Variants in TSNARE1 observed in about 807,000 individuals in gnomAD.
TSNARE1 encodes the protein t-SNARE domain-containing protein 1.
TSNARE1 carries 49 observed loss-of-function variants against 62.0 expected under a neutral mutation model. That is an observed-to-expected ratio of 0.79 (90% CI 0.63 to 1.00). TSNARE1 has a LOEUF of 1.00. Among genes scored for constraint, TSNARE1 ranks in the 50% least tolerant of loss-of-function variants. The pLI is 0.00. For missense variants in TSNARE1, 755 were observed against 700.1 expected, an observed-to-expected ratio of 1.08 and a Z score of -0.88; for synonymous variants, 328 against 294.4, an observed-to-expected ratio of 1.11 and a Z score of -1.17.
At chr8:142,358,831 C>G (rs886068288) in intron 1 of TSNARE1, among the ~76,000 whole-genome samples, 6 of 152,082 alleles carry the variant, frequency 3.9e-5, no homozygotes, top group African/African-American at 1.4e-4. Context: ...TGAGCTGTAC[C>G]AACCCAAACC....
At chr8:142,340,861 T>C (rs1832494462) in intron 4 of TSNARE1, among the ~76,000 whole-genome samples, 1 of 152,228 alleles carries the variant, frequency 6.6e-6, no homozygotes, top group East Asian at 1.9e-4. Context: ...TGACACCACG[T>C]GCCTAGACAC....
intron 12 of TSNARE1, chr8:142,270,479 G>C: frequency 1.2e-6 from 1 of 855,316 alleles, no homozygotes; most frequent in Non-Finnish European, 1.4e-6. Context: ...GTAATATATA[G>C]GCATATATAT....
chr8:142,363,679 G>C (rs1057233711), intron 1 of TSNARE1, among the ~76,000 whole-genome samples: 1 of 152,126 alleles, frequency 6.6e-6, no homozygotes, highest in Non-Finnish European at 1.5e-5. Flanking sequence ...GAGCCTTCAA[G>C]CTGTGACTGA....
intron 10 of TSNARE1, among the ~76,000 whole-genome samples, chr8:142,292,113 G>A (rs943232933): frequency 6.6e-6 from 1 of 152,124 alleles, no homozygotes. Flanking sequence ...GGCCATGGGA[G>A]AGGCCAAGCG....
chr8:142,347,847 T>C (rs1027374607), intron 2 of TSNARE1, among the ~76,000 whole-genome samples: 4 of 150,970 alleles, frequency 2.6e-5, no homozygotes, highest in African/African-American at 9.8e-5. Context: ...CGCCATCACC[T>C]CGCCACACTG....
At chr8:142,292,313 G>A (rs562906748) in intron 10 of TSNARE1, among the ~76,000 whole-genome samples, 2 of 152,366 alleles carry the variant, frequency 1.3e-5, no homozygotes, top group East Asian at 3.9e-4. Context: ...CCCCGTGGAA[G>A]CGAGGCGAGG....
intron 12 of TSNARE1, chr8:142,270,314 G>C: frequency 1.0e-6 from 1 of 985,412 alleles, no homozygotes; most frequent in Non-Finnish European, 1.2e-6. Context: ...TGAAAGCAGC[G>C]GTGCCTGCCA....
chr8:142,280,665 A>G (rs950219757), intron 11 of TSNARE1, among the ~76,000 whole-genome samples: 10 of 152,140 alleles, frequency 6.6e-5, no homozygotes, highest in Non-Finnish European at 1.3e-4. Flanking sequence ...GGACTGATCA[A>G]TCTGTCACTG....
intron 13 of TSNARE1, among the ~76,000 whole-genome samples, chr8:142,223,065 T>TTCACTC (rs1816514365): frequency 2.4e-5 from 2 of 83,858 alleles, no homozygotes; most frequent in Non-Finnish European, 5.2e-5. Flanking sequence ...CTCATTCACT[T>TTCACTC]ACTCGCTCAT....
At chr8:142,229,643 T>C in intron 12 of TSNARE1, 64 bp from the exon 13 acceptor site, 2 of 1,507,582 alleles carry the variant, frequency 1.3e-6, no homozygotes, top group South Asian at 2.3e-5. Context: ...TCAGGGGCAT[T>C]TGGCTTGTGC....
intron 11 of TSNARE1, chr8:142,278,280 A>G: frequency 1.0e-6 from 1 of 985,390 alleles, no homozygotes; most frequent in Non-Finnish European, 1.2e-6. Context: ...AGCCTCATGC[A>G]CCGCTGTGAG....
intron 13 of TSNARE1, among the ~76,000 whole-genome samples, chr8:142,221,794 C>G (rs1816249238): frequency 7.0e-6 from 1 of 143,618 alleles, no homozygotes; most frequent in Middle Eastern, 3.5e-3. Context: ...CTCATCCACT[C>G]ATTCACTCAC....
intron 1 of TSNARE1, among the ~76,000 whole-genome samples, chr8:142,366,506 T>C (rs752205082): frequency 1.5e-4 from 23 of 152,166 alleles, no homozygotes; most frequent in Admixed American, 1.3e-3. Context: ...CACTCACCAG[T>C]GCACTACACC....
intron 13 of TSNARE1, among the ~76,000 whole-genome samples, chr8:142,216,259 A>G (rs6583602): frequency 0.92 from 140,104 of 152,178 alleles, 64,560 homozygotes; most frequent in African/African-American, 0.95. Context: ...TATGGCACTG[A>G]AATGAATGCT....
At chr8:142,323,044 C>A (rs1454860913) in intron 6 of TSNARE1, among the ~76,000 whole-genome samples, 1 of 151,880 alleles carries the variant, frequency 6.6e-6, no homozygotes, top group East Asian at 1.9e-4. Flanking sequence ...CTGGACATGT[C>A]TGTGGGCTGG....
At chr8:142,270,166 G>T in intron 12 of TSNARE1, 1 of 985,420 alleles carries the variant, frequency 1.0e-6, no homozygotes, top group Non-Finnish European at 1.2e-6. Flanking sequence ...CTAGGCTGGG[G>T]GGCTGCAGAC....
At chr8:142,256,391 A>T (rs115121898) in intron 12 of TSNARE1, among the ~76,000 whole-genome samples, 1 of 1,374 alleles carries the variant, frequency 7.3e-4, no homozygotes, top group Non-Finnish European at 1.5e-3. Flanking sequence ...ATCATCACCA[A>T]TACCACCAGC....
At chr8:142,374,992 C>T (rs1836220718) in intron 1 of TSNARE1, among the ~76,000 whole-genome samples, 1 of 152,184 alleles carries the variant, frequency 6.6e-6, no homozygotes, top group African/African-American at 2.4e-5. Context: ...CCCCTTTCCC[C>T]AGGGAGGAGA....
Position 142,319,001 on chromosome 8 carries a change from C to G in TSNARE1, c.894-367G>C, listed in dbSNP as rs149592417. 1.3e-3 allele frequency among the ~76,000 whole-genome samples: 189 copies of G among 150,932 alleles called. 2 individuals are homozygous for G. The highest frequency in any genetic ancestry group is 4.1e-3 in the African/African-American group (170 of 41,042). On this transcript the variant is annotated intron_variant, in intron 6 of 13. Transcript: ENST00000524325. This position sits in a 1 kb window ranked among gnomAD's most constrained non-coding sequence, Gnocchi z 4.9. ...AGACGGGCAGACACCCAGCAAGAGA[C>G]GGGGGAGACGGGCAGACACACAGCA...
Sources: allele counts gnomAD v4.1 joint callset (sites outside exome capture counted in the v4.1 genomes callset), GRCh38; gene constraint gnomAD v4.1.1; non-coding constraint Gnocchi (gnomAD v3.1); transcripts MANE v1.5; gene names NCBI Gene and HGNC (gene_info 2026-07-23, HGNC 2026-07-21).